Variants in KMO observed in about 807,000 individuals in gnomAD.
KMO encodes kynurenine 3-monooxygenase, also known as kynurenine 3-hydroxylase.
In KMO, 24 loss-of-function variants were observed where a neutral mutation model predicts 57.8. The observed-to-expected ratio is 0.42, with a 90% confidence interval of 0.30 to 0.58. KMO has a LOEUF of 0.58. Ranked by LOEUF, KMO falls within the 20% of genes least tolerant of loss-of-function variation. KMO has a pLI of 0.22. For missense variants in KMO, 483 were observed against 588.2 expected, an observed-to-expected ratio of 0.82 and a Z score of 1.85; for synonymous variants, 210 against 193.6, an observed-to-expected ratio of 1.08 and a Z score of -0.70.
chr1:241,545,465 C>A (rs897731727), intron 1 of KMO, among the ~76,000 whole-genome samples: 2 of 152,092 alleles, frequency 1.3e-5, no homozygotes, highest in South Asian at 4.1e-4. Context: ...AAGATCTGTT[C>A]CGGGTCCCTC....
intron 6 of KMO, 96 bp from the exon 7 acceptor site, chr1:241,562,071 T>A: frequency 1.0e-6 from 1 of 974,738 alleles, no homozygotes; most frequent in Non-Finnish European, 1.5e-6. Flanking sequence ...GCTTTCTAAG[T>A]TATCTATGGA....
rs3034557 is a variant in KMO at position 241,592,755 on chromosome 1, C to CATAT, written c.*604_*605insATAT. ...ATCTATCATCTATCTATCTATCTATCATCTATCTATCTATCTATCTATCTA... is the reference window on the plus strand; with the variant it reads ...ATCTATCATCTATCTATCTATCTATCATATATCTATCTATCTATCTATCTATCTA... On this transcript the variant is annotated 3_prime_UTR_variant, in exon 15 of 15. Transcript: ENST00000366559. 1 of 137,478 alleles carries CATAT rather than the reference C, an allele frequency of 7.3e-6. No homozygotes were observed. Among genetic ancestry groups the CATAT allele is most frequent in the Admixed American group, 7.3e-5 (1 of 13,672 alleles). The allele number at this position is 137,478 out of a possible 1,614,324, so 8.5% of individuals were successfully genotyped here. A position where few individuals can be genotyped will look rare whatever the true frequency, so the allele number is the denominator to read the frequency against.
Position 241,590,269 on chromosome 1 carries a change from A to G in KMO, c.1260+6A>G, listed in dbSNP as rs1040785149. 1.2e-5 allele frequency: 20 copies of G among 1,605,912 alleles called. No individual in the cohort carries two copies. The highest frequency in any genetic ancestry group is 3.3e-5 in the Admixed American group (2 of 59,990). ...GTTGGCATTGGCAAAAAAAGGTTGG[A>G]ACAGTTACATTTTATTTATTTTTTA... On this transcript the variant is annotated splice_donor_region_variant and intron_variant, in intron 14 of 14. Coordinates refer to ENST00000366559, the MANE Select transcript of KMO (RefSeq NM_003679.5).
chr1:241,562,020 A>G (rs1287467008), intron 6 of KMO, 147 bp from the exon 7 acceptor site: 1 of 634,612 alleles, frequency 1.6e-6, no homozygotes, highest in African/African-American at 1.8e-5. Flanking sequence ...TAAATGTTAC[A>G]TCTATTAACT....
At chr1:241,571,758 T>C (rs996842699) in intron 10 of KMO, among the ~76,000 whole-genome samples, 1 of 151,982 alleles carries the variant, frequency 6.6e-6, no homozygotes, top group East Asian at 1.9e-4. Context: ...TTTTGTTACG[T>C]CTTTGTCTAG....
rs1254454664 is a variant in KMO, at chr1:241,593,333, A to G, written c.*1180A>G. 2.4e-6 allele frequency: 1 copy of G among 424,736 alleles called. No homozygotes were observed. The highest frequency in any genetic ancestry group is 5.1e-6 in the Non-Finnish European group (1 of 194,612). The allele number at this position is 424,736 out of a possible 1,614,324, so 26.3% of individuals were successfully genotyped here. On this transcript the variant is annotated 3_prime_UTR_variant, in exon 15 of 15. Coordinates refer to ENST00000366559, the MANE Select transcript of KMO (RefSeq NM_003679.5). ...GATTTTTAAAAGCACATTTAGTGAA[A>G]TGTTTTCTTTGGTTCATCCTTCTTT...
intron 1 of KMO, among the ~76,000 whole-genome samples, chr1:241,539,569 G>C (rs952826397): frequency 1.3e-5 from 2 of 152,190 alleles, no homozygotes; most frequent in African/African-American, 2.4e-5. Context: ...CTTCTGAAAT[G>C]ATATTGCCCC....
At chr1:241,556,868 G>A (rs1353762499) in intron 5 of KMO, among the ~76,000 whole-genome samples, 1 of 151,882 alleles carries the variant, frequency 6.6e-6, no homozygotes, top group Non-Finnish European at 1.5e-5. Flanking sequence ...CAGCCTGGCT[G>A]ACAGAGCGAG....
At chr1:241,535,335 C>T in intron 1 of KMO, among the ~76,000 whole-genome samples, 1 of 151,794 alleles carries the variant, frequency 6.6e-6, no homozygotes, top group African/African-American at 2.4e-5. Flanking sequence ...ACATTAAAGG[C>T]TCTCCCCTGG....
intron 11 of KMO, among the ~76,000 whole-genome samples, 200 bp from the exon 12 acceptor site, chr1:241,588,548 T>C (rs1663111448): frequency 6.6e-6 from 1 of 152,152 alleles, no homozygotes; most frequent in Non-Finnish European, 1.5e-5. Flanking sequence ...TTAATTTTGT[T>C]GTAATTTTTA....
chr1:241,543,663 A>G (rs187170911), intron 1 of KMO, among the ~76,000 whole-genome samples: 1 of 152,300 alleles, frequency 6.6e-6, no homozygotes, highest in Admixed American at 6.5e-5. Context: ...GGTTTGTTCA[A>G]TATGTGAATA....
intron 4 of KMO, among the ~76,000 whole-genome samples, chr1:241,555,084 C>T (rs1430793769): frequency 1.3e-5 from 2 of 152,064 alleles, no homozygotes; most frequent in African/African-American, 4.8e-5. Flanking sequence ...AAACAACCAA[C>T]ACATGTTCCA....
chr1:241,536,474 A>G (rs1213600550), intron 1 of KMO: 3 of 983,074 alleles, frequency 3.1e-6, no homozygotes, highest in Admixed American at 1.2e-4. Context: ...GTTTACAGGT[A>G]TGACGAAAGT....
At chr1:241,557,052 A>G (rs1661657588) in intron 5 of KMO, among the ~76,000 whole-genome samples, 1 of 152,164 alleles carries the variant, frequency 6.6e-6, no homozygotes, top group Admixed American at 6.5e-5. Context: ...GCTGGAGAGT[A>G]GAGTGTAGAT....
At chr1:241,570,950 A>C (rs934458782) in intron 10 of KMO, among the ~76,000 whole-genome samples, 19 of 151,950 alleles carry the variant, frequency 1.3e-4, no homozygotes, top group Non-Finnish European at 2.1e-4. Flanking sequence ...TGTCCTCTTC[A>C]ATTTCTTTCA....
chr1:241,538,031 T>C (rs1660809258), intron 1 of KMO, among the ~76,000 whole-genome samples: 1 of 152,056 alleles, frequency 6.6e-6, no homozygotes, highest in South Asian at 2.1e-4. Flanking sequence ...AGATAGGGCT[T>C]AGAGATATTT....
At chr1:241,572,717 A>T (rs1454777953) in intron 10 of KMO, among the ~76,000 whole-genome samples, 1 of 152,042 alleles carries the variant, frequency 6.6e-6, no homozygotes, top group Non-Finnish European at 1.5e-5. Context: ...ATAGTGGTGA[A>T]GTCTGAGATT....
In KMO at chr1:241,593,485, G is replaced by GTGAAAT; in HGVS notation, c.*1333_*1334insGAAATT. 3.1e-6 allele frequency: 1 copy of GTGAAAT among 318,820 alleles called. No homozygotes were observed. The highest frequency in any genetic ancestry group is 3.0e-5 in the Admixed American group (1 of 32,974). The allele number at this position is 318,820 out of a possible 1,614,324, so 19.7% of individuals were successfully genotyped here. A position where few individuals can be genotyped will look rare whatever the true frequency, so the allele number is the denominator to read the frequency against. On this transcript the variant is annotated 3_prime_UTR_variant, in exon 15 of 15. Coordinates refer to ENST00000366559, the MANE Select transcript of KMO (RefSeq NM_003679.5). ...TGATTCAGTGTTTCTTTTCTATATT[G>GTGAAAT]TCAATGAAAACCTTGAGTTCTAATA...
At chr1:241,588,012 CT>C (rs2147984853) in intron 11 of KMO, among the ~76,000 whole-genome samples, 1 of 152,274 alleles carries the variant, frequency 6.6e-6, no homozygotes, top group South Asian at 2.1e-4. Flanking sequence ...AAAGGATAGA[CT>C]AGAGAACTGG....
Sources: gnomAD v4.1 joint callset for allele counts (sites outside exome capture counted in the v4.1 genomes callset) on GRCh38, gnomAD v4.1.1 for gene constraint, MANE v1.5 for transcripts, NCBI Gene and HGNC (gene_info 2026-07-23, HGNC 2026-07-21) for gene names.